The following HFM1 variants were observed in gnomAD, a reference collection of about 807,000 sequenced individuals.
The protein encoded by HFM1 is probable ATP-dependent DNA helicase HFM1.
HFM1 carries 169 observed loss-of-function variants against 192.1 expected under a neutral mutation model. The observed-to-expected ratio is 0.88, with a 90% CI of 0.78 to 1.00. The LOEUF (loss-of-function observed/expected upper bound fraction) is 1.00. Ranked by LOEUF, HFM1 falls within the 50% of genes least tolerant of loss-of-function variation. The pLI, the probability that HFM1 is intolerant of heterozygous loss-of-function variation, is 0.00. For missense variants in HFM1, 1,661 were observed against 1,668.0 expected, an observed-to-expected ratio of 1.00 and a Z score of 0.07; for synonymous variants, 525 against 537.8, an observed-to-expected ratio of 0.98 and a Z score of 0.33.
chr1:91,380,263 G>A, intron 7 of HFM1, 27 bp from the exon 8 acceptor site: 2 of 1,397,278 alleles, frequency 1.4e-6, no homozygotes. Flanking sequence ...AATCAATCAT[G>A]TAACATATAG....
chr1:91,273,132 C>A (rs1666472290), intron 34 of HFM1, among the ~76,000 whole-genome samples: 1 of 151,854 alleles, frequency 6.6e-6, no homozygotes, highest in Non-Finnish European at 1.5e-5. Context: ...TAATGACGGA[C>A]ACAGATAAAA....
chr1:91,292,454 T>G (rs1383498741), intron 30 of HFM1, among the ~76,000 whole-genome samples: 1 of 147,418 alleles, frequency 6.8e-6, no homozygotes, highest in Non-Finnish European at 1.5e-5. Context: ...CATTCACAAT[T>G]GCTTCAAAGA....
chr1:91,368,040 T>C (rs1659620743), intron 13 of HFM1, among the ~76,000 whole-genome samples: 1 of 151,338 alleles, frequency 6.6e-6, no homozygotes, highest in African/African-American at 2.4e-5. Flanking sequence ...AGTGAGAAGT[T>C]TAGAGAAAAA....
At position 91,277,041 on chromosome 1, in the gene HFM1, G is replaced by A. The variant is rs747665088; in HGVS notation, c.3413C>T (p.Pro1138Leu). ...AAGATGATTGCATTCTCGGTTCCCA[G>A]GTTTTTTGCTGGCAGTCGTTCCTAA... ...PNKGTTASKK[P>L]GNRECNHLCK... The change falls in exon 31 of 39, where the codon CCT (proline) becomes CTT (leucine). Residue 1138 changes from proline (P) to leucine (L), a missense_variant. Coordinates refer to ENST00000370425, the MANE Select transcript of HFM1 (RefSeq NM_001017975.6). 5.6e-6 allele frequency: 9 copies of A among 1,594,556 alleles called. No individual in the cohort carries two copies. In the Admixed American group the frequency reaches 1.2e-4, roughly 21 times the overall value.
intron 13 of HFM1, 125 bp from the exon 14 acceptor site, chr1:91,353,424 T>G (rs1657232967): frequency 3.8e-6 from 2 of 525,184 alleles, no homozygotes; most frequent in Non-Finnish European, 6.8e-6. Flanking sequence ...CTGAAAACTA[T>G]TTTAAGAAGT....
intron 30 of HFM1, among the ~76,000 whole-genome samples, chr1:91,307,334 A>G (rs1001230094): frequency 2.0e-5 from 3 of 152,158 alleles, no homozygotes; most frequent in African/African-American, 7.2e-5. Flanking sequence ...ACTGTTTTAC[A>G]TAGTCTACTT....
Position 91,316,414 on chromosome 1 carries a change from T to C in HFM1, c.2875A>G (p.Thr959Ala), listed in dbSNP as rs1651228066. The C allele has an allele frequency of 3.8e-6, 6 of 1,575,016 alleles. No homozygotes were observed. The highest frequency in any genetic ancestry group is 1.2e-5 in the South Asian group (1 of 86,322). ...ACCAATTCAAGTTCCCTTGCATCTG[T>C]CTCTTCTATTTTTTTAAAGGAAGTC... ...GLTSFKKIEETDARELELILN... is the reference protein window; with the variant it reads ...GLTSFKKIEEADARELELILN... The change falls in exon 26 of 39, where the codon ACA becomes GCA. Residue 959 changes from threonine to alanine, a missense_variant. Physicochemically the swap from Thr to Ala is moderately conservative, Grantham distance 58 (BLOSUM62 0). Transcript: ENST00000370425.
rs1656934023 is a variant in HFM1, at chr1:91,351,538, T to C, written c.2072+11A>G. The C allele has an allele frequency of 6.9e-7, 1 of 1,442,232 alleles. No individual in the cohort carries two copies. Among genetic ancestry groups the C allele is most frequent in the African/African-American group, 1.4e-5 (1 of 69,992 alleles). 89.3% of individuals were successfully genotyped at this position (1,442,232 alleles called of 1,614,324 possible). ...GCATTAGTATCTTTTTGGAACTTTT[T>C]TTTATACTACCTGCTTTCTACAGTG... On this transcript the variant is annotated intron_variant, in intron 17 of 38. Transcript: ENST00000370425.
chr1:91,403,800 A>C (rs1189273854), intron 1 of HFM1, among the ~76,000 whole-genome samples: 4 of 152,190 alleles, frequency 2.6e-5, no homozygotes, highest in African/African-American at 4.8e-5. Flanking sequence ...GTTAAATATT[A>C]ATACAACTAG....
At chr1:91,331,116 A>T (rs1376741237) in intron 20 of HFM1, among the ~76,000 whole-genome samples, 1 of 152,228 alleles carries the variant, frequency 6.6e-6, no homozygotes, top group Non-Finnish European at 1.5e-5. Flanking sequence ...TAGTATTGGA[A>T]GTCCTAGCTA....
chr1:91,363,535 A>AC (rs1449917484), intron 13 of HFM1, among the ~76,000 whole-genome samples: 1 of 151,976 alleles, frequency 6.6e-6, no homozygotes, highest in Non-Finnish European at 1.5e-5. Flanking sequence ...AAAAAAAAAA[A>AC]AAACAGATGC....
At chr1:91,369,179 A>AGACAG (rs2101903376) in intron 13 of HFM1, among the ~76,000 whole-genome samples, 1 of 152,314 alleles carries the variant, frequency 6.6e-6, no homozygotes, top group East Asian at 1.9e-4. Context: ...TGTCAACATT[A>AGACAG]GACAGATCAA....
At chr1:91,271,065 A>AG (rs1666245526) in intron 34 of HFM1, among the ~76,000 whole-genome samples, 1 of 152,000 alleles carries the variant, frequency 6.6e-6, no homozygotes, top group African/African-American at 2.4e-5. Context: ...ACTGGATCCT[A>AG]GTAAGGCCGT....
intron 11 of HFM1, among the ~76,000 whole-genome samples, chr1:91,376,485 C>A (rs1660922005): frequency 6.6e-6 from 1 of 151,764 alleles, no homozygotes; most frequent in South Asian, 2.1e-4. Flanking sequence ...GAGACAGAAA[C>A]AGCATTCACA....
intron 30 of HFM1, among the ~76,000 whole-genome samples, chr1:91,281,139 C>G (rs1667428114): frequency 6.6e-6 from 1 of 152,126 alleles, no homozygotes; most frequent in African/African-American, 2.4e-5. Flanking sequence ...GCAAGAAAAC[C>G]AGTACAAGTC....
intron 20 of HFM1, among the ~76,000 whole-genome samples, chr1:91,335,941 C>T (rs1452993209): frequency 1.3e-5 from 2 of 152,016 alleles, no homozygotes; most frequent in African/African-American, 4.8e-5. Flanking sequence ...GATTGCACTG[C>T]AGGCTAAGAC....
chr1:91,395,023 G>A, intron 3 of HFM1, among the ~76,000 whole-genome samples: 1 of 151,640 alleles, frequency 6.6e-6, no homozygotes, highest in South Asian at 2.1e-4. Flanking sequence ...TTTGATATAA[G>A]TATATATATA....
In HFM1 at chr1:91,316,579, G is replaced by T. The variant is rs1199733731; in HGVS notation, c.2813-103C>A. ...AATTAGTAAAAAAAAAAAATTTTAA[G>T]ATCCAGTCAAATAACTAACTTAAAG... On this transcript the variant is annotated intron_variant, in intron 25 of 38. Coordinates refer to ENST00000370425, the MANE Select transcript of HFM1 (RefSeq NM_001017975.6). 25 of 457,098 alleles carry T rather than the reference G, an allele frequency of 5.5e-5. 1 individual carries two copies. The East Asian group carries it at 9.2e-4, about 17-fold the overall frequency. 28.3% of individuals were successfully genotyped at this position (457,098 alleles called of 1,614,324 possible). A position where few individuals can be genotyped will look rare whatever the true frequency, so the allele number is the denominator to read the frequency against.
intron 13 of HFM1, among the ~76,000 whole-genome samples, chr1:91,365,942 T>C (rs1237847180): frequency 6.8e-6 from 1 of 147,230 alleles, no homozygotes; most frequent in African/African-American, 2.5e-5. Context: ...AATTCAAATC[T>C]GAGTCTCTAA....
Sources: allele counts gnomAD v4.1 joint callset (sites outside exome capture counted in the v4.1 genomes callset), GRCh38; gene constraint gnomAD v4.1.1; transcripts MANE v1.5; gene names NCBI Gene and HGNC (gene_info 2026-07-23, HGNC 2026-07-21).